Variants in RNF38 observed in about 807,000 individuals in gnomAD.
RNF38 encodes the protein E3 ubiquitin-protein ligase RNF38.
In RNF38, 15 loss-of-function variants were observed where a neutral mutation model predicts 67.2. The ratio of observed to expected loss-of-function variants is 0.22; its 90% CI spans 0.15 to 0.34. The LOEUF (loss-of-function observed/expected upper bound fraction) is 0.34. RNF38 is among the 10% of genes least tolerant of loss of function. The probability of loss-of-function intolerance (pLI) is 1.00; values close to 1 mark genes in which losing one functional copy is unlikely to be tolerated. For synonymous variants in RNF38, 220 were observed against 218.8 expected, an observed-to-expected ratio of 1.01 and a Z score of -0.05; for missense variants, 524 against 639.9, an observed-to-expected ratio of 0.82 and a Z score of 1.95.
At chr9:36,451,552 G>A (rs1220230976) in intron 1 of RNF38, among the ~76,000 whole-genome samples, 1 of 134,664 alleles carries the variant, frequency 7.4e-6, no homozygotes, top group Non-Finnish European at 1.5e-5. Context: ...TCAGGCTGGA[G>A]TGCAATGGTG....
At chr9:36,404,319 G>A (rs887286470), upstream of RNF38, among the ~76,000 whole-genome samples, 4 of 152,170 alleles carry the variant, frequency 2.6e-5, no homozygotes, top group African/African-American at 9.7e-5. Context: ...CCACACCATC[G>A]TCATTACTGC....
intron 3 of RNF38, among the ~76,000 whole-genome samples, chr9:36,373,694 C>T (rs1274319017): frequency 6.6e-6 from 1 of 151,404 alleles, no homozygotes; most frequent in Non-Finnish European, 1.5e-5. Context: ...AGGCTGGTCT[C>T]GAACTCTTGA....
intron 4 of RNF38, among the ~76,000 whole-genome samples, chr9:36,367,195 G>C (rs1286605017): frequency 6.6e-6 from 1 of 152,144 alleles, no homozygotes; most frequent in Non-Finnish European, 1.5e-5. Flanking sequence ...ATGAACAAAT[G>C]CCTTAAGGAC....
At chr9:36,446,979 T>TA (rs1839320957) in intron 1 of RNF38, among the ~76,000 whole-genome samples, 2 of 149,660 alleles carry the variant, frequency 1.3e-5, no homozygotes, top group South Asian at 4.2e-4. Context: ...AAAAAAAACA[T>TA]AGCTGGGTGT....
Position 36,439,437 on chromosome 9 carries a change from C to T in RNF38, n.242-14754G>A, listed in dbSNP as rs577824024. On this transcript the variant is annotated intron_variant and non_coding_transcript_variant, in intron 1 of 3. Transcript: ENST00000488058. ...TGACACCTATGATACAAGGTTGTTG[C>T]GAAGCTTATATGACGTATGTAAAGA... Among the ~76,000 whole-genome samples, 46 of 152,008 alleles carry T rather than the reference C, an allele frequency of 3.0e-4. 1 individual carries two copies. The South Asian group carries it at 9.3e-3, about 31-fold the overall frequency.
At chr9:36,342,279 A>C (rs761470576) in intron 11 of RNF38, 46 bp downstream of exon 11, 2 of 1,347,416 alleles carry the variant, frequency 1.5e-6, no homozygotes, top group Non-Finnish European at 2.1e-6. Context: ...TGGTCAATAA[A>C]ATAGAAAATT....
chr9:36,352,256 G>A (rs1833748983), intron 8 of RNF38, among the ~76,000 whole-genome samples: 1 of 151,824 alleles, frequency 6.6e-6, no homozygotes, highest in Non-Finnish European at 1.5e-5. Context: ...GCCGAGCCGA[G>A]GTGGTGCCAC....
chr9:36,401,320 C>T (rs1464080819), upstream of RNF38: 1 of 663,080 alleles, frequency 1.5e-6, no homozygotes, highest in Admixed American at 6.3e-5. Flanking sequence ...CCCCCGCTGC[C>T]CTGCGGACCG....
intron 2 of RNF38, among the ~76,000 whole-genome samples, chr9:36,420,270 C>T (rs948547459): frequency 1.3e-5 from 2 of 152,060 alleles, no homozygotes; most frequent in African/African-American, 2.4e-5. Context: ...CGGTGGCTCA[C>T]GCCTGTAATC....
intron 1 of RNF38, among the ~76,000 whole-genome samples, chr9:36,449,806 T>C (rs761808968): frequency 4.6e-5 from 7 of 152,158 alleles, no homozygotes; most frequent in Non-Finnish European, 8.8e-5. Flanking sequence ...GCAGGGGAAG[T>C]TGCTCAACTG....
intron 1 of RNF38, among the ~76,000 whole-genome samples, chr9:36,466,760 C>T (rs888469366): frequency 3.9e-5 from 6 of 152,136 alleles, no homozygotes; most frequent in Non-Finnish European, 8.8e-5. Flanking sequence ...TCACTGACCT[C>T]TGCAGGATTC....
At chr9:36,343,081 AGTT>A (rs1331064093) in intron 10 of RNF38, among the ~76,000 whole-genome samples, 2 of 152,204 alleles carry the variant, frequency 1.3e-5, no homozygotes, top group African/African-American at 2.4e-5. Context: ...CTATGTAAAT[AGTT>A]GTTATACTGT....
At chr9:36,351,506 TTAAG>T (rs1348489020) in intron 8 of RNF38, among the ~76,000 whole-genome samples, 1 of 152,170 alleles carries the variant, frequency 6.6e-6, no homozygotes, top group African/African-American at 2.4e-5. Flanking sequence ...CAGCAAGCAC[TTAAG>T]TAAAAACTCA....
At chr9:36,411,917 T>C (rs1360782791) in intron 2 of RNF38, among the ~76,000 whole-genome samples, 1 of 152,096 alleles carries the variant, frequency 6.6e-6, no homozygotes, top group Non-Finnish European at 1.5e-5. Context: ...TTGTGATATA[T>C]GCTACAACAT....
chr9:36,412,478 C>A (rs1402076025), intron 2 of RNF38, among the ~76,000 whole-genome samples: 1 of 152,148 alleles, frequency 6.6e-6, no homozygotes, highest in African/African-American at 2.4e-5. Flanking sequence ...GATATTTGTC[C>A]CCTACAAATC....
At chr9:36,430,124 A>ATGGTCACTG (rs1286095765) in intron 1 of RNF38, among the ~76,000 whole-genome samples, 2 of 152,164 alleles carry the variant, frequency 1.3e-5, no homozygotes, top group African/African-American at 4.8e-5. Context: ...TATCAAGAGG[A>ATGGTCACTG]TGGTCACTGA....
At chr9:36,369,673 C>A in intron 4 of RNF38, 46 bp downstream of exon 4, 6 of 1,439,796 alleles carry the variant, frequency 4.2e-6, no homozygotes, top group South Asian at 2.9e-5. Flanking sequence ...CTCAAACTGC[C>A]ACAAAATTTC....
intron 2 of RNF38, among the ~76,000 whole-genome samples, chr9:36,414,441 T>C (rs532202832): frequency 6.6e-6 from 1 of 152,214 alleles, no homozygotes; most frequent in East Asian, 1.9e-4. Context: ...TCCCAGCACT[T>C]TGGGAGGCTG....
chr9:36,367,161 A>T (rs1835036181), intron 4 of RNF38, among the ~76,000 whole-genome samples: 2 of 152,150 alleles, frequency 1.3e-5, no homozygotes, highest in Non-Finnish European at 2.9e-5. Flanking sequence ...GACAGACTCA[A>T]AATTGAAGTC....
Sources: allele counts gnomAD v4.1 joint callset (sites outside exome capture counted in the v4.1 genomes callset), GRCh38; gene constraint gnomAD v4.1.1; transcripts MANE v1.5; gene names NCBI Gene and HGNC (gene_info 2026-07-23, HGNC 2026-07-21).